The following SND1 variants were observed in gnomAD, a reference collection of about 807,000 sequenced individuals.
SND1 encodes the protein staphylococcal nuclease domain-containing protein 1.
A neutral mutation model predicts 121.7 loss-of-function variants in SND1; 38 were observed. The observed-to-expected ratio is 0.31, with a 90% CI of 0.24 to 0.41. The LOEUF is 0.41. Ranked by LOEUF, SND1 falls within the 10% of genes least tolerant of loss-of-function variation. The pLI is 1.00. For missense variants in SND1, 868 were observed against 1,184.6 expected (o/e 0.73, Z 3.92); for synonymous variants, 401 against 447.4 (o/e 0.90, Z 1.31).
rs1327953088 is a variant in SND1, at chr7:127,814,755, A to C, written c.1242+7182A>C. Among the ~76,000 whole-genome samples, 3 of 152,086 alleles carry C rather than the reference A, an allele frequency of 2.0e-5. No homozygotes were observed. In the East Asian group the frequency reaches 5.8e-4, roughly 29 times the overall value. On this transcript the variant is annotated intron_variant, in intron 11 of 23. Transcript: ENST00000354725. ...TTGTTATGCTCTGTAAAGTTGGGCT[A>C]ATTGTTTAGGTTGCTTGAATATTTC...
At chr7:127,838,952 A>G (rs1584609693) in intron 11 of SND1, among the ~76,000 whole-genome samples, 1 of 152,336 alleles carries the variant, frequency 6.6e-6, no homozygotes, top group South Asian at 2.1e-4. Context: ...TCTAAATGAT[A>G]CATATGTATC....
chr7:127,780,533 ATTG>A (rs1327210099), intron 10 of SND1, among the ~76,000 whole-genome samples: 1 of 152,112 alleles, frequency 6.6e-6, no homozygotes, highest in Non-Finnish European at 1.5e-5. Flanking sequence ...TAATTTCAGC[ATTG>A]TTGTATTTCT....
intron 1 of SND1, among the ~76,000 whole-genome samples, chr7:127,673,882 G>A (rs372690168): frequency 7.2e-5 from 11 of 152,160 alleles, no homozygotes; most frequent in African/African-American, 2.4e-4. Flanking sequence ...GACACAGCAA[G>A]GTATTCCAGG....
chr7:128,034,623 G>A (rs775725449), intron 16 of SND1, among the ~76,000 whole-genome samples: 2 of 152,194 alleles, frequency 1.3e-5, no homozygotes, highest in African/African-American at 4.8e-5. Context: ...AGTGGGGGCC[G>A]AGTTGGGTCA....
intron 16 of SND1, among the ~76,000 whole-genome samples, chr7:128,054,079 G>A (rs1040528373): frequency 3.9e-5 from 6 of 152,230 alleles, no homozygotes; most frequent in African/African-American, 7.2e-5. Context: ...GTAAGTCATC[G>A]GCAGTACCCT....
At chr7:127,754,022 A>C (rs568487862) in intron 10 of SND1, among the ~76,000 whole-genome samples, 9 of 152,278 alleles carry the variant, frequency 5.9e-5, no homozygotes, top group African/African-American at 2.2e-4. Flanking sequence ...ATTTAGCCCA[A>C]AGTAGATTAT....
intron 16 of SND1, among the ~76,000 whole-genome samples, chr7:128,064,572 T>C (rs1562887217): frequency 1.3e-5 from 2 of 152,086 alleles, no homozygotes; most frequent in Non-Finnish European, 1.5e-5. Context: ...GGTTTCATAG[T>C]GAAGGTGAGA....
intron 11 of SND1, among the ~76,000 whole-genome samples, chr7:127,814,486 G>A (rs528603504): frequency 6.6e-6 from 1 of 152,166 alleles, no homozygotes; most frequent in Admixed American, 6.5e-5. Context: ...TGTGAAGTGA[G>A]GCTGGATGCA....
chr7:127,886,713 T>C (rs1259148589), intron 12 of SND1, among the ~76,000 whole-genome samples: 1 of 152,074 alleles, frequency 6.6e-6, no homozygotes, highest in African/African-American at 2.4e-5. Context: ...CCTTTCCAGG[T>C]TGGGGAGGAA....
At chr7:128,006,276 G>A (rs1802973678) in intron 16 of SND1, among the ~76,000 whole-genome samples, 1 of 152,220 alleles carries the variant, frequency 6.6e-6, no homozygotes, top group East Asian at 1.9e-4. Flanking sequence ...ACTGGGAACA[G>A]TATCTTGACT....
At chr7:127,812,818 C>T in intron 11 of SND1, among the ~76,000 whole-genome samples, 1 of 152,184 alleles carries the variant, frequency 6.6e-6, no homozygotes, top group South Asian at 2.1e-4. Context: ...CTGTCTGTTG[C>T]AGTGTGTTAC....
intron 16 of SND1, among the ~76,000 whole-genome samples, chr7:127,995,873 T>C (rs1802639166): frequency 1.3e-5 from 2 of 152,162 alleles, no homozygotes; most frequent in Admixed American, 6.5e-5. Context: ...ACAGGGGCAA[T>C]GTATGTGGGT....
chr7:127,833,046 G>C (rs1798792455), intron 11 of SND1, among the ~76,000 whole-genome samples: 1 of 152,094 alleles, frequency 6.6e-6, no homozygotes, highest in Non-Finnish European at 1.5e-5. Context: ...AAGGGTTGGG[G>C]ACCACTTTCT....
intron 10 of SND1, among the ~76,000 whole-genome samples, chr7:127,754,105 ACT>A (rs1043893232): frequency 6.6e-6 from 1 of 152,022 alleles, no homozygotes; most frequent in African/African-American, 2.4e-5. Flanking sequence ...CAGATATTAG[ACT>A]CTCTGAATGT....
chr7:127,793,796 C>T (rs2116547008), intron 10 of SND1, among the ~76,000 whole-genome samples: 1 of 152,166 alleles, frequency 6.6e-6, no homozygotes, highest in Admixed American at 6.5e-5. Flanking sequence ...CCCATTCTTG[C>T]CCTCCTCCCC....
intron 15 of SND1, among the ~76,000 whole-genome samples, chr7:127,942,514 G>A (rs186421796): frequency 2.0e-5 from 3 of 152,312 alleles, no homozygotes; most frequent in Non-Finnish European, 2.9e-5. Flanking sequence ...CTAACATAGT[G>A]TCTGGTTTCT....
intron 10 of SND1, among the ~76,000 whole-genome samples, chr7:127,734,590 G>T (rs771151931): frequency 2.0e-5 from 3 of 152,134 alleles, no homozygotes; most frequent in East Asian, 1.9e-4. Flanking sequence ...GGTGCTTTAT[G>T]GTACATAGAG....
Position 128,023,856 on chromosome 7 carries a change from C to T in SND1, c.1779+32800C>T, listed in dbSNP as rs1237035032. On this transcript the variant is annotated intron_variant, in intron 16 of 23. Coordinates refer to ENST00000354725, the MANE Select transcript of SND1 (RefSeq NM_014390.4). Reference sequence around the variant, plus strand: ...GGAGCACTAAGTGTGAGATCTATGTCACACACATACATATATAATTATATA... The same window carrying T: ...GGAGCACTAAGTGTGAGATCTATGTTACACACATACATATATAATTATATA... Among the ~76,000 whole-genome samples, 3 of 152,110 alleles carry T rather than the reference C, an allele frequency of 2.0e-5. No individual in the cohort carries two copies. In the East Asian group the frequency reaches 5.8e-4, roughly 29 times the overall value.
chr7:128,091,638 G>C (rs901271379), intron 22 of SND1, among the ~76,000 whole-genome samples, 199 bp from the exon 23 acceptor site: 3 of 152,154 alleles, frequency 2.0e-5, no homozygotes, highest in Non-Finnish European at 4.4e-5. Flanking sequence ...AGACAGAAGA[G>C]CTAGTGCGAA....
Sources: allele counts gnomAD v4.1 joint callset (sites outside exome capture counted in the v4.1 genomes callset), GRCh38; gene constraint gnomAD v4.1.1; transcripts MANE v1.5; gene names NCBI Gene and HGNC (gene_info 2026-07-23, HGNC 2026-07-21).